ACSS1: variants seen among roughly 807,000 people sequenced by gnomAD.
The protein encoded by ACSS1 is acetyl-coenzyme A synthetase 2-like, mitochondrial.
A neutral mutation model predicts 75.3 loss-of-function variants in ACSS1; 42 were observed. That is an observed-to-expected ratio of 0.56 (90% CI 0.44 to 0.72). The LOEUF is 0.72. ACSS1 is among the 30% of genes least tolerant of loss of function. The pLI is 0.00. For synonymous variants in ACSS1, 380 were observed against 376.8 expected (o/e 1.01, Z -0.10); for missense variants, 782 against 935.7 (o/e 0.84, Z 2.14).
chr20:25,031,762 T>A (rs2088828180), intron 2 of ACSS1, among the ~76,000 whole-genome samples: 1 of 152,190 alleles, frequency 6.6e-6, no homozygotes, highest in South Asian at 2.1e-4. Context: ...CAGCAGCTTC[T>A]CAGGGACCAC....
rs1424296253 is a variant in ACSS1 at position 25,020,116 on chromosome 20, C to G, written c.1140G>C (p.Lys380Asn). 1.2e-6 allele frequency: 2 copies of G among 1,614,154 alleles called. No individual in the cohort carries two copies. Among genetic ancestry groups the G allele is most frequent in the Non-Finnish European group, 1.7e-6 (2 of 1,180,058 alleles). ...TTGGGGCGCCATAGAACTGATTGAT[C>G]TTCAACCTCTCTACTGTCTCCCAGT... ...GRYWETVERL[K>N]INQFYGAPTA... Residue 380 changes from lysine (K) to asparagine (N), a missense_variant, in exon 7 of 14, where the codon AAG (lysine) becomes AAC (asparagine). Physicochemically the swap from Lys to Asn is moderately conservative, Grantham distance 94. This residue lies in a region of ACSS1 where 405 missense variants were observed against 552.6 expected (regional missense o/e 0.73). Coordinates refer to ENST00000323482, the MANE Select transcript of ACSS1 (RefSeq NM_032501.4).
At chr20:25,039,686 C>T (rs751482406) in intron 2 of ACSS1, among the ~76,000 whole-genome samples, 26 of 152,236 alleles carry the variant, frequency 1.7e-4, no homozygotes, top group Admixed American at 3.3e-4. Context: ...TTTTTCTTTT[C>T]TCCTCTAACC....
chr20:25,016,442 C>T (rs1600311281), intron 7 of ACSS1, among the ~76,000 whole-genome samples: 1 of 152,188 alleles, frequency 6.6e-6, no homozygotes, highest in African/African-American at 2.4e-5. Flanking sequence ...CAGTGTCTAC[C>T]TTATGACATT....
Position 25,014,178 on chromosome 20 carries a change from C to T in ACSS1, c.1340-105G>A, listed in dbSNP as rs766512466. Reference sequence around the variant, plus strand: ...ACTGTCCCTGTTGTGGGCAAGGAAACGCCTCAGGGGCACAACGATCTTTGA... The same window carrying T: ...ACTGTCCCTGTTGTGGGCAAGGAAATGCCTCAGGGGCACAACGATCTTTGA... On this transcript the variant is annotated intron_variant, in intron 8 of 13. Coordinates refer to ENST00000323482, the MANE Select transcript of ACSS1 (RefSeq NM_032501.4). 3.3e-5 allele frequency: 31 copies of T among 926,226 alleles called. No homozygotes were observed. The East Asian group carries it at 5.1e-4, about 15-fold the overall frequency. 57.4% of individuals were successfully genotyped at this position (926,226 alleles called of 1,614,324 possible).
chr20:25,015,943 C>T (rs2088508346), intron 7 of ACSS1, among the ~76,000 whole-genome samples: 1 of 152,154 alleles, frequency 6.6e-6, no homozygotes, highest in Non-Finnish European at 1.5e-5. Flanking sequence ...AAACATGACC[C>T]CTGACGTACA....
intron 1 of ACSS1, among the ~76,000 whole-genome samples, chr20:25,054,394 A>T (rs11908357): frequency 0.033 from 5,005 of 152,324 alleles, 264 homozygotes; most frequent in African/African-American, 0.11. Flanking sequence ...GGGATGTATA[A>T]TGTGTTAAGA....
intron 2 of ACSS1, among the ~76,000 whole-genome samples, chr20:25,033,780 G>A (rs764096980): frequency 2.6e-5 from 4 of 152,254 alleles, no homozygotes; most frequent in Admixed American, 1.3e-4. Flanking sequence ...GGGTGGCAGG[G>A]AAGGGCAGCA....
Position 25,048,163 on chromosome 20 carries a change from T to G in ACSS1, c.353A>C (p.His118Pro). The G allele has an allele frequency of 6.2e-7, 1 of 1,613,376 alleles. No homozygotes were observed. The highest frequency in any genetic ancestry group is 8.5e-7 in the Non-Finnish European group (1 of 1,179,954). Reference sequence around the variant, plus strand: ...AACGCTCTCGGGGGACTTCCGAACATGCTGGTCCAAGCAGTTGACTGTACA... The same window carrying G: ...AACGCTCTCGGGGGACTTCCGAACAGGCTGGTCCAAGCAGTTGACTGTACA... ...LNVSVNCLDQ[H>P]VRKSPESVAL... The change falls in exon 2 of 14, where the codon CAT becomes CCT. Residue 118 changes from histidine to proline, a missense_variant. Coordinates refer to ENST00000323482, the MANE Select transcript of ACSS1 (RefSeq NM_032501.4).
chr20:25,057,749 G>T lies in ACSS1; in HGVS notation c.334+20C>A. On this transcript the variant is annotated intron_variant, in intron 1 of 13. Coordinates refer to ENST00000323482, the MANE Select transcript of ACSS1 (RefSeq NM_032501.4). ...GACCCAAGAGTTGGGGGCGTCCTGGGTCTCCCGAAGCCCACTCACCAGAGA... is the reference window on the plus strand; with the variant it reads ...GACCCAAGAGTTGGGGGCGTCCTGGTTCTCCCGAAGCCCACTCACCAGAGA... The T allele has an allele frequency of 6.5e-7, 1 of 1,538,186 alleles. No individual in the cohort carries two copies. Among genetic ancestry groups the T allele is most frequent in the South Asian group, 1.2e-5 (1 of 84,172 alleles).
rs144423103 is a variant in ACSS1, at chr20:25,048,106, G to A, written c.410C>T (p.Thr137Met). 20 of 1,613,528 alleles carry A rather than the reference G, an allele frequency of 1.2e-5. No individual in the cohort carries two copies. The highest frequency in any genetic ancestry group is 1.7e-5 in the Non-Finnish European group (20 of 1,179,964). The part of the protein sequence containing the change: ...ALIWERDEPG[T>M]EVRITYRELL... ...GTACCTGTAGGTGATCCTCACTTCC[G>A]TTCCAGGCTCATCGCGCTCCCAGAT... The change falls in exon 2 of 14, where the codon ACG (threonine) becomes ATG (methionine). Residue 137 changes from threonine to methionine, a missense_variant. Physicochemically the swap from Thr to Met is moderately conservative, Grantham distance 81. Coordinates refer to ENST00000323482, the MANE Select transcript of ACSS1 (RefSeq NM_032501.4).
chr20:25,013,825 A>G (rs1461677481), intron 9 of ACSS1, 136 bp downstream of exon 9: 3 of 1,312,088 alleles, frequency 2.3e-6, no homozygotes, highest in Non-Finnish European at 3.1e-6. Context: ...GCATGATACC[A>G]GCTGCAGTGA....
chr20:25,009,694 T>G (rs1462164318), intron 12 of ACSS1: 1 of 375,872 alleles, frequency 2.7e-6, no homozygotes, highest in Non-Finnish European at 4.9e-6. Flanking sequence ...CTCCCCTCTC[T>G]GTGTACACAT....
chr20:25,015,006 T>G, intron 8 of ACSS1, 132 bp downstream of exon 8: 1 of 687,946 alleles, frequency 1.5e-6, no homozygotes, highest in Non-Finnish European at 2.3e-6. Flanking sequence ...GGCTCCAGGG[T>G]TTCCGCAGTC....
intron 3 of ACSS1, among the ~76,000 whole-genome samples, chr20:25,030,491 C>T (rs371956260): frequency 5.9e-5 from 9 of 152,230 alleles, no homozygotes; most frequent in African/African-American, 2.2e-4. Flanking sequence ...GGCCCTCATG[C>T]TGTGCTCCTC....
intron 1 of ACSS1, among the ~76,000 whole-genome samples, chr20:25,057,322 C>A (rs2089255840): frequency 6.6e-6 from 1 of 152,246 alleles, no homozygotes; most frequent in African/African-American, 2.4e-5. Context: ...GGCACCGCAG[C>A]CCGCAGTGAC....
chr20:25,033,988 C>G (rs1468481366), intron 2 of ACSS1, among the ~76,000 whole-genome samples: 1 of 152,218 alleles, frequency 6.6e-6, no homozygotes, highest in African/African-American at 2.4e-5. Context: ...GAAGCAGGGT[C>G]TGGTGAGTCT....
In ACSS1 at chr20:25,023,533, T is replaced by C; in HGVS notation, c.740A>G (p.His247Arg). Residue 247 changes from histidine (H) to arginine (R), a missense_variant, in exon 4 of 14, where the codon CAT becomes CGT. Physicochemically the swap from His to Arg is conservative, Grantham distance 29 (BLOSUM62 0). Around this residue, in one of 2 missense-constraint regions of ACSS1, gnomAD observed 377 missense variants for 383.1 expected, o/e 0.98. Coordinates refer to ENST00000323482, the MANE Select transcript of ACSS1 (RefSeq NM_032501.4). ...GTCTGTCCTGTGAGCCACCAGGACA[T>C]GCTGCACGGTGGGGCAGTGCTTCAC... ...EAVKHCPTVQ[H>R]VLVAHRTDNK... is the part of the protein sequence containing the mutation. The C allele has an allele frequency of 1.2e-6, 2 of 1,614,146 alleles. No homozygotes were observed. Among genetic ancestry groups the C allele is most frequent in the African/African-American group, 1.3e-5 (1 of 75,032 alleles).
chr20:25,014,492 A>G (rs2088480900), intron 8 of ACSS1, among the ~76,000 whole-genome samples: 1 of 152,188 alleles, frequency 6.6e-6, no homozygotes, highest in South Asian at 2.1e-4. Context: ...GAAATGCCCC[A>G]GTGACTCAGC....
intron 2 of ACSS1, chr20:25,032,457 C>A: frequency 7.4e-7 from 1 of 1,347,996 alleles, no homozygotes. Flanking sequence ...CTGGACCTGG[C>A]AATTGCATTA....
Sources: allele counts gnomAD v4.1 joint callset (sites outside exome capture counted in the v4.1 genomes callset), GRCh38; gene constraint gnomAD v4.1.1; regional missense constraint gnomAD v4.1.1; transcripts MANE v1.5; gene names NCBI Gene and HGNC (gene_info 2026-07-23, HGNC 2026-07-21).